Variants in SRL observed in about 807,000 individuals in gnomAD.
SRL encodes the protein sarcalumenin.
In SRL, 23 loss-of-function variants were observed where a neutral mutation model predicts 39.5. The observed-to-expected ratio is 0.58, with a 90% CI of 0.42 to 0.82. The LOEUF is 0.82. SRL is among the 40% of genes least tolerant of loss of function. SRL has a pLI of 0.00. For missense variants in SRL, 592 were observed against 607.8 expected (o/e 0.97, Z 0.27); for synonymous variants, 272 against 237.4 (o/e 1.15, Z -1.34).
intron 2 of SRL, among the ~76,000 whole-genome samples, chr16:4,204,100 T>C (rs1360073170): frequency 6.6e-6 from 1 of 152,160 alleles, no homozygotes; most frequent in Admixed American, 6.5e-5. Context: ...TAGCCTGAGC[T>C]CCAGTTAGGT....
chr16:4,202,578 G>A (rs1478187127), intron 3 of SRL, among the ~76,000 whole-genome samples: 1 of 147,644 alleles, frequency 6.8e-6, no homozygotes, highest in Non-Finnish European at 1.5e-5. Context: ...GAGTGACAGA[G>A]CGAGACTCCA....
At chr16:4,218,336 G>C (rs187764811) in intron 1 of SRL, among the ~76,000 whole-genome samples, 1 of 152,144 alleles carries the variant, frequency 6.6e-6, no homozygotes, top group Non-Finnish European at 1.5e-5. Flanking sequence ...GCAGAGGACC[G>C]GTAAGGGCCC....
intron 3 of SRL, 43 bp from the exon 4 acceptor site, chr16:4,197,958 G>T (rs535903984): frequency 1.3e-5 from 17 of 1,319,242 alleles, no homozygotes; most frequent in Non-Finnish European, 1.9e-5. Flanking sequence ...ACTAACAAAA[G>T]TTCACACAAG....
chr16:4,221,356 C>T (rs1194441389), intron 1 of SRL, among the ~76,000 whole-genome samples: 1 of 152,208 alleles, frequency 6.6e-6, no homozygotes. Context: ...CTATTCCGTT[C>T]TTTTCTTTTC....
At chr16:4,219,022 A>T (rs1357202923) in intron 1 of SRL, among the ~76,000 whole-genome samples, 1 of 152,264 alleles carries the variant, frequency 6.6e-6, no homozygotes, top group Non-Finnish European at 1.5e-5. Context: ...CCTGGCATTC[A>T]TGGCCCCAGG....
chr16:4,233,823 C>G (rs189863817), intron 1 of SRL, among the ~76,000 whole-genome samples: 10 of 152,116 alleles, frequency 6.6e-5, no homozygotes, highest in Admixed American at 2.0e-4. Flanking sequence ...TGTGCCATAC[C>G]CTCATGCTTC....
intron 1 of SRL, among the ~76,000 whole-genome samples, chr16:4,241,685 C>T (rs912973328): frequency 2.0e-5 from 3 of 152,142 alleles, no homozygotes; most frequent in East Asian, 1.9e-4. Flanking sequence ...CTCAGAGGCT[C>T]CCCCGTCTCG....
intron 1 of SRL, among the ~76,000 whole-genome samples, chr16:4,212,232 G>C (rs1158492892): frequency 2.0e-5 from 3 of 152,172 alleles, no homozygotes; most frequent in African/African-American, 7.2e-5. Flanking sequence ...AAAGGACTGA[G>C]GATAATGGCT....
intron 1 of SRL, among the ~76,000 whole-genome samples, chr16:4,230,229 T>C (rs1464642220): frequency 6.6e-6 from 1 of 152,056 alleles, no homozygotes; most frequent in Non-Finnish European, 1.5e-5. Context: ...GAGCTCCAGA[T>C]CAGCCAGGGG....
At chr16:4,238,097 C>A (rs2052732090) in intron 1 of SRL, among the ~76,000 whole-genome samples, 1 of 152,168 alleles carries the variant, frequency 6.6e-6, no homozygotes, top group African/African-American at 2.4e-5. Flanking sequence ...TGATGGAACA[C>A]GTTGAGGTGT....
chr16:4,226,209 C>A (rs1036731099), intron 1 of SRL, among the ~76,000 whole-genome samples: 1 of 152,242 alleles, frequency 6.6e-6, no homozygotes, highest in African/African-American at 2.4e-5. Context: ...TAATAATCTA[C>A]ATAACTTACT....
chr16:4,193,092 C>T (rs761805342), intron 5 of SRL, 128 bp from the exon 6 acceptor site: 2 of 783,784 alleles, frequency 2.6e-6, no homozygotes, highest in South Asian at 1.9e-5. Context: ...TGGGTTTCTA[C>T]AGACTATTAA....
chr16:4,239,984 C>T (rs572741823), intron 1 of SRL, among the ~76,000 whole-genome samples: 14 of 152,274 alleles, frequency 9.2e-5, no homozygotes, highest in African/African-American at 2.6e-4. Context: ...GGCATGGGCA[C>T]GGGCGACGGG....
intron 1 of SRL, among the ~76,000 whole-genome samples, chr16:4,219,333 C>A (rs569453751): frequency 6.6e-6 from 1 of 152,360 alleles, no homozygotes; most frequent in East Asian, 1.9e-4. Context: ...CCTGCCCTGT[C>A]CCTGGGAGCT....
At chr16:4,195,389 G>C (rs1263629809) in intron 5 of SRL, among the ~76,000 whole-genome samples, 164 bp downstream of exon 5, 2 of 152,032 alleles carry the variant, frequency 1.3e-5, no homozygotes, top group African/African-American at 4.8e-5. Context: ...GTAGAGATGA[G>C]GTTTCACTAT....
chr16:4,232,344 T>C (rs938714231), intron 1 of SRL, among the ~76,000 whole-genome samples: 1 of 152,174 alleles, frequency 6.6e-6, no homozygotes, highest in African/African-American at 2.4e-5. Context: ...TAAGTAATCA[T>C]CTACTACTTG....
intron 4 of SRL, 92 bp from the exon 5 acceptor site, chr16:4,195,878 G>A (rs1278777942): frequency 9.3e-7 from 1 of 1,076,096 alleles, no homozygotes; most frequent in East Asian, 2.6e-5. Context: ...GTCACAGGGA[G>A]ACTTTTGCAA....
intron 1 of SRL, among the ~76,000 whole-genome samples, chr16:4,211,336 C>T (rs182806701): frequency 6.6e-6 from 1 of 152,348 alleles, no homozygotes; most frequent in African/African-American, 2.4e-5. Flanking sequence ...TAGGGCCTGG[C>T]ATTTGCCTTT....
rs1352743180 is a variant in SRL at position 4,195,776 on chromosome 16, G to A, written c.387C>T (p.Pro129=). Residue 129 remains proline, a synonymous_variant, in exon 5 of 6, where the codon CCC becomes CCT. Transcript: ENST00000399609. ...TRYQLYTGAE[P]TTSEFTVLMH... is the part of the protein sequence containing the mutation. ...TGAGGACCGTGAACTCAGAGGTGGT[G>A]GGTTCAGCGCCTGGGCACACGGGGT... 5 of 1,613,626 alleles carry A rather than the reference G, an allele frequency of 3.1e-6. No individual in the cohort carries two copies. The African/African-American group carries it at 6.7e-5, about 22-fold the overall frequency.
Sources: allele counts gnomAD v4.1 joint callset (sites outside exome capture counted in the v4.1 genomes callset), GRCh38; gene constraint gnomAD v4.1.1; transcripts MANE v1.5; gene names NCBI Gene and HGNC (gene_info 2026-07-23, HGNC 2026-07-21).